SPHK1: variants seen among roughly 807,000 people sequenced by gnomAD.
SPHK1 encodes the protein sphingosine kinase 1, also known as SK 1.
Under a neutral mutation model 14.6 loss-of-function variants are expected in SPHK1, and 10 were observed. The observed-to-expected ratio is 0.68, with a 90% CI of 0.42 to 1.16. The LOEUF (loss-of-function observed/expected upper bound fraction) is 1.16, where lower values mean the gene tolerates loss of function less well. Ranked by LOEUF, SPHK1 falls within the 50% of genes most tolerant of loss-of-function variation. The pLI is 0.00. For missense variants in SPHK1, 553 were observed against 525.4 expected, an observed-to-expected ratio of 1.05 and a Z score of -0.51; for synonymous variants, 274 against 224.0, an observed-to-expected ratio of 1.22 and a Z score of -1.99.
chr17:76,386,353 C>A lies in SPHK1; in HGVS notation c.258+38C>A. 1 of 1,604,676 alleles carries A rather than the reference C, an allele frequency of 6.2e-7. No individual in the cohort carries two copies. The highest frequency in any genetic ancestry group is 8.5e-7 in the Non-Finnish European group (1 of 1,175,404). ...CTGCGCGGCTAGGCCTGGGGCTTGG[C>A]GCGGTGCGTCCCAGGCTGAGGCCAC... On this transcript the variant is annotated intron_variant, in intron 4 of 5. Coordinates refer to ENST00000592299, the MANE Select transcript of SPHK1 (RefSeq NM_001142601.2). This position sits in a 1 kb window ranked among gnomAD's most constrained non-coding sequence, Gnocchi z 5.3.
chr17:76,384,257 G>A (rs2071919340), upstream of SPHK1: 1 of 152,220 alleles, frequency 6.6e-6, no homozygotes, highest in African/African-American at 2.4e-5. Flanking sequence ...CGCTCGCTCC[G>A]ACACGAGTTC....
At position 76,386,947 on chromosome 17, in the gene SPHK1, C is replaced by T. The variant is rs373796591; in HGVS notation, c.516C>T (p.Gly172=). ...TCTCTGTGCTCAGCCTGGCCTGGGG[C>T]TTCATTGCTGATGTGGACCTAGAGA... ...RLFSVLSLAW[G]FIADVDLESE... Residue 172 remains glycine (G), a synonymous_variant, in exon 6 of 6, where the codon GGC becomes GGT. Transcript: ENST00000592299. The surrounding 1 kb of genome is among the most constrained non-coding windows in gnomAD (Gnocchi z 5.3). 6.2e-7 allele frequency: 1 copy of T among 1,613,472 alleles called. No individual in the cohort carries two copies. The highest frequency in any genetic ancestry group is 8.5e-7 in the Non-Finnish European group (1 of 1,179,820).
rs1183944366 is a variant in SPHK1 at position 76,387,595 on chromosome 17, C to T, written c.*9C>T. 6.4e-7 allele frequency: 1 copy of T among 1,567,260 alleles called. No individual in the cohort carries two copies. The highest frequency in any genetic ancestry group is 8.6e-7 in the Non-Finnish European group (1 of 1,160,862). ...CAGAAGAGCCCTTATGACCCCTGGG[C>T]CGCGCTGTGCCTTAGTGTCTACTTG... On this transcript the variant is annotated 3_prime_UTR_variant, in exon 6 of 6. Transcript: ENST00000592299. This position sits in a 1 kb window ranked among gnomAD's most constrained non-coding sequence, Gnocchi z 4.1.
Position 76,386,652 on chromosome 17 carries a change from C to G in SPHK1, c.374+144C>G. 3.5e-6 allele frequency: 4 copies of G among 1,146,852 alleles called. No individual in the cohort carries two copies. Among genetic ancestry groups the G allele is most frequent in the Non-Finnish European group, 4.9e-6 (4 of 820,374 alleles). 71.0% of individuals were successfully genotyped at this position (1,146,852 alleles called of 1,614,324 possible). A position where few individuals can be genotyped will look rare whatever the true frequency, so the allele number is the denominator to read the frequency against. ...TGGGGCCCTCTCCTGGTGACCCCAG[C>G]TGACTGCTTCCATTTGCTCCATCTG... On this transcript the variant is annotated intron_variant, in intron 5 of 5. Coordinates refer to ENST00000592299, the MANE Select transcript of SPHK1 (RefSeq NM_001142601.2). This position sits in a 1 kb window ranked among gnomAD's most constrained non-coding sequence, Gnocchi z 5.3.
In SPHK1 at chr17:76,385,038, C is replaced by T; in HGVS notation, c.-195+232C>T. Reference sequence around the variant, plus strand: ...CCGCGGCTCCCACCGCTCTGGAGCTCCGGGCAGGGGACACGGCAACCTGGA... The same window carrying T: ...CCGCGGCTCCCACCGCTCTGGAGCTTCGGGCAGGGGACACGGCAACCTGGA... On this transcript the variant is annotated intron_variant, in intron 1 of 5. Coordinates refer to ENST00000592299, the MANE Select transcript of SPHK1 (RefSeq NM_001142601.2). This position sits in a 1 kb window ranked among gnomAD's most constrained non-coding sequence, Gnocchi z 5.3. 1 of 1,516,540 alleles carries T rather than the reference C, an allele frequency of 6.6e-7. No individual in the cohort carries two copies. Among genetic ancestry groups the T allele is most frequent in the Non-Finnish European group, 8.9e-7 (1 of 1,126,128 alleles). 93.9% of individuals were successfully genotyped at this position (1,516,540 alleles called of 1,614,324 possible).
chr17:76,387,079 A>G lies in SPHK1; in HGVS notation c.648A>G (p.Gly216=). 1 of 1,613,342 alleles carries G rather than the reference A, an allele frequency of 6.2e-7. No homozygotes were observed. Among genetic ancestry groups the G allele is most frequent in the Middle Eastern group, 1.7e-4 (1 of 6,056 alleles). Residue 216 remains glycine (G), a synonymous_variant, in exon 6 of 6, where the codon GGA becomes GGG. Coordinates refer to ENST00000592299, the MANE Select transcript of SPHK1 (RefSeq NM_001142601.2). This position sits in a 1 kb window ranked among gnomAD's most constrained non-coding sequence, Gnocchi z 4.1. The part of the protein sequence containing the change: ...YRGRLAYLPV[G]RVGSKTPASP... ...GCCGACTGGCCTACCTCCCTGTAGG[A>G]AGAGTGGGTTCCAAGACACCTGCCT... is the stretch of plus-strand genomic sequence containing the variant.
rs2071997112 is a variant in SPHK1, at chr17:76,386,936, C to T, written c.505C>T (p.Leu169=). ...SGLRLFSVLS[L]AWGFIADVDL... ...GCTGCGCCTCTTCTCTGTGCTCAGC[C>T]TGGCCTGGGGCTTCATTGCTGATGT... The change falls in exon 6 of 6, where the codon CTG becomes TTG. Residue 169 remains leucine, a synonymous_variant. Coordinates refer to ENST00000592299, the MANE Select transcript of SPHK1 (RefSeq NM_001142601.2). The surrounding 1 kb of genome is among the most constrained non-coding windows in gnomAD (Gnocchi z 5.3). 5 of 1,613,294 alleles carry T rather than the reference C, an allele frequency of 3.1e-6. No individual in the cohort carries two copies. Among genetic ancestry groups the T allele is most frequent in the Non-Finnish European group, 4.2e-6 (5 of 1,179,760 alleles).
In SPHK1 at chr17:76,386,294, T is replaced by G; in HGVS notation, c.237T>G (p.Ser79=). The G allele has an allele frequency of 6.2e-7, 1 of 1,603,066 alleles. No individual in the cohort carries two copies. The highest frequency in any genetic ancestry group is 1.3e-5 in the African/African-American group (1 of 75,014). Residue 79 remains serine, a synonymous_variant, in exon 4 of 6, where the codon TCT becomes TCG. Transcript: ENST00000592299. This position sits in a 1 kb window ranked among gnomAD's most constrained non-coding sequence, Gnocchi z 5.3. ...GCTGGGACGCTCTGGTGGTCATGTCTGGAGACGGGCTGATGCACGAGGTGA... is the reference window on the plus strand; with the variant it reads ...GCTGGGACGCTCTGGTGGTCATGTCGGGAGACGGGCTGATGCACGAGGTGA... ...LGRWDALVVM[S]GDGLMHEVVN...
rs1409066802 is a variant in SPHK1, at chr17:76,386,598, C to A, written c.374+90C>A. 68 of 1,304,332 alleles carry A rather than the reference C, an allele frequency of 5.2e-5. No homozygotes were observed. Among genetic ancestry groups the A allele is most frequent in the African/African-American group, 4.4e-5 (3 of 67,856 alleles). The allele number at this position is 1,304,332 out of a possible 1,614,324, so 80.8% of individuals were successfully genotyped here. Reference sequence around the variant, plus strand: ...TGTCTAAGCTCCCATAGGCTGAGATCATTTCCATTTCCCCTTCTCCCTTAG... The same window carrying A: ...TGTCTAAGCTCCCATAGGCTGAGATAATTTCCATTTCCCCTTCTCCCTTAG... On this transcript the variant is annotated intron_variant, in intron 5 of 5. Coordinates refer to ENST00000592299, the MANE Select transcript of SPHK1 (RefSeq NM_001142601.2). The surrounding 1 kb of genome is among the most constrained non-coding windows in gnomAD (Gnocchi z 5.3).
At position 76,387,432 on chromosome 17, in the gene SPHK1, G is replaced by C; in HGVS notation, c.1001G>C (p.Gly334Ala). 1.2e-6 allele frequency: 2 copies of C among 1,613,850 alleles called. No homozygotes were observed. The highest frequency in any genetic ancestry group is 1.7e-6 in the Non-Finnish European group (2 of 1,180,018). ...GCCTTCCGCTTGGAGCCCAAGGATG[G>C]GAAAGGTGTGTTTGCAGTGGATGGG... Reference protein sequence around the residue: ...VVAFRLEPKDGKGVFAVDGEL... With the variant: ...VVAFRLEPKDAKGVFAVDGEL... The change falls in exon 6 of 6, where the codon GGG becomes GCG. Residue 334 changes from glycine to alanine, a missense_variant. Gly to Ala is a moderately conservative substitution (Grantham distance 60). Coordinates refer to ENST00000592299, the MANE Select transcript of SPHK1 (RefSeq NM_001142601.2). This position sits in a 1 kb window ranked among gnomAD's most constrained non-coding sequence, Gnocchi z 4.1.
In SPHK1 at chr17:76,387,656, T is replaced by C; in HGVS notation, c.*70T>C. ...CCTCCTTCCCTAGGGCTGCAGGGCC[T>C]GTCCACAGCTCCTGTGGGGGTGGAG... On this transcript the variant is annotated 3_prime_UTR_variant, in exon 6 of 6. Coordinates refer to ENST00000592299, the MANE Select transcript of SPHK1 (RefSeq NM_001142601.2). This position sits in a 1 kb window ranked among gnomAD's most constrained non-coding sequence, Gnocchi z 4.1. 1.4e-6 allele frequency: 2 copies of C among 1,469,550 alleles called. No individual in the cohort carries two copies. Among genetic ancestry groups the C allele is most frequent in the Non-Finnish European group, 1.8e-6 (2 of 1,102,608 alleles). 91.0% of individuals were successfully genotyped at this position (1,469,550 alleles called of 1,614,324 possible).
Position 76,386,272 on chromosome 17 carries a change from G to C in SPHK1, c.215G>C (p.Trp72Ser), listed in dbSNP as rs1204131169. Residue 72 changes from tryptophan (W) to serine (S), a missense_variant, in exon 4 of 6, where the codon TGG becomes TCG. By Grantham distance (177) the Trp-to-Ser change is radical. Coordinates refer to ENST00000592299, the MANE Select transcript of SPHK1 (RefSeq NM_001142601.2). The surrounding 1 kb of genome is among the most constrained non-coding windows in gnomAD (Gnocchi z 5.3). ...ELVRSEELGR[W>S]DALVVMSGDG... is the part of the protein sequence containing the mutation. Reference sequence around the variant, plus strand: ...GTGCGGTCGGAGGAGCTGGGCCGCTGGGACGCTCTGGTGGTCATGTCTGGA... The same window carrying C: ...GTGCGGTCGGAGGAGCTGGGCCGCTCGGACGCTCTGGTGGTCATGTCTGGA... The C allele has an allele frequency of 1.5e-5, 24 of 1,598,166 alleles. No homozygotes were observed. Among genetic ancestry groups the C allele is most frequent in the Non-Finnish European group, 2.0e-5 (23 of 1,177,470 alleles).
rs750803579 is a variant in SPHK1, at chr17:76,386,148, C to T, written c.163+11C>T. 6.9e-6 allele frequency: 11 copies of T among 1,591,714 alleles called. No homozygotes were observed. The South Asian group carries it at 1.1e-4, about 16-fold the overall frequency. ...CGCTGATGCTCACTGGTGAGTACCT[C>T]TCGGAGGGGGTTTCGGGAGCATCCC... is the stretch of plus-strand genomic sequence containing the variant. On this transcript the variant is annotated intron_variant, in intron 3 of 5. Transcript: ENST00000592299. This position sits in a 1 kb window ranked among gnomAD's most constrained non-coding sequence, Gnocchi z 5.3.
intron 1 of SPHK1, 30 bp downstream of exon 1, chr17:76,384,836 C>T (rs1047165093): frequency 1.7e-5 from 6 of 352,250 alleles, no homozygotes; most frequent in Admixed American, 1.0e-4. Flanking sequence ...CTTCGCGCCG[C>T]TCGTGGCTCC....
Position 76,386,347 on chromosome 17 carries a change from G to T in SPHK1, c.258+32G>T. The T allele has an allele frequency of 6.2e-7, 1 of 1,605,752 alleles. No homozygotes were observed. Among genetic ancestry groups the T allele is most frequent in the African/African-American group, 1.3e-5 (1 of 74,976 alleles). On this transcript the variant is annotated intron_variant, in intron 4 of 5. Coordinates refer to ENST00000592299, the MANE Select transcript of SPHK1 (RefSeq NM_001142601.2). The surrounding 1 kb of genome is among the most constrained non-coding windows in gnomAD (Gnocchi z 5.3). ...ACCGCACTGCGCGGCTAGGCCTGGG[G>T]CTTGGCGCGGTGCGTCCCAGGCTGA...
At chr17:76,383,752 G>C (rs1188907230), upstream of SPHK1, 1 of 973,760 alleles carries the variant, frequency 1.0e-6, no homozygotes, top group South Asian at 1.4e-5. Flanking sequence ...ACTGACAAAC[G>C]CGTCCCTACT....
Position 76,387,689 on chromosome 17 carries a change from C to T in SPHK1, c.*103C>T. On this transcript the variant is annotated 3_prime_UTR_variant, in exon 6 of 6. Coordinates refer to ENST00000592299, the MANE Select transcript of SPHK1 (RefSeq NM_001142601.2). This position sits in a 1 kb window ranked among gnomAD's most constrained non-coding sequence, Gnocchi z 4.1. ...GCTCCTGTGGGGGTGGAGGAGACTCCTCTGGAGAAGGGTGAGAAGGTGGAG... is the reference window on the plus strand; with the variant it reads ...GCTCCTGTGGGGGTGGAGGAGACTCTTCTGGAGAAGGGTGAGAAGGTGGAG... 7.7e-7 allele frequency: 1 copy of T among 1,299,626 alleles called. No homozygotes were observed. 80.5% of individuals were successfully genotyped at this position (1,299,626 alleles called of 1,614,324 possible). A position where few individuals can be genotyped will look rare whatever the true frequency, so the allele number is the denominator to read the frequency against.
At position 76,386,603 on chromosome 17, in the gene SPHK1, C is replaced by A; in HGVS notation, c.374+95C>A. 1 of 1,296,378 alleles carries A rather than the reference C, an allele frequency of 7.7e-7. No individual in the cohort carries two copies. Among genetic ancestry groups the A allele is most frequent in the Non-Finnish European group, 1.1e-6 (1 of 944,552 alleles). 80.3% of individuals were successfully genotyped at this position (1,296,378 alleles called of 1,614,324 possible). A position where few individuals can be genotyped will look rare whatever the true frequency, so the allele number is the denominator to read the frequency against. On this transcript the variant is annotated intron_variant, in intron 5 of 5. Transcript: ENST00000592299. This position sits in a 1 kb window ranked among gnomAD's most constrained non-coding sequence, Gnocchi z 5.3. The stretch of plus-strand genomic sequence containing the variant: ...AAGCTCCCATAGGCTGAGATCATTT[C>A]CATTTCCCCTTCTCCCTTAGTCCTG...
chr17:76,386,265 G>T lies in SPHK1; in HGVS notation c.208G>T (p.Gly70Cys), dbSNP rs2071979471. ...GGAGCTGGTGCGGTCGGAGGAGCTG[G>T]GCCGCTGGGACGCTCTGGTGGTCAT... ...ARELVRSEEL[G>C]RWDALVVMSG... The change falls in exon 4 of 6, where the codon GGC becomes TGC. Residue 70 changes from glycine (G) to cysteine (C), a missense_variant. Transcript: ENST00000592299. This position sits in a 1 kb window ranked among gnomAD's most constrained non-coding sequence, Gnocchi z 5.3. 2 of 1,596,932 alleles carry T rather than the reference G, an allele frequency of 1.3e-6. No homozygotes were observed. The highest frequency in any genetic ancestry group is 1.3e-5 in the African/African-American group (1 of 74,810).
Sources: gnomAD v4.1 joint callset for allele counts on GRCh38, gnomAD v4.1.1 for gene constraint, Gnocchi (gnomAD v3.1) non-coding constraint, MANE v1.5 for transcripts, NCBI Gene and HGNC (gene_info 2026-07-23, HGNC 2026-07-21) for gene names.